GRK5: variants seen among roughly 807,000 people sequenced by gnomAD.
The protein encoded by GRK5 is g protein-coupled receptor kinase GRK5.
GRK5 carries 40 observed loss-of-function variants against 78.4 expected under a neutral mutation model. The ratio of observed to expected loss-of-function variants is 0.51; its 90% CI spans 0.40 to 0.66. The LOEUF (loss-of-function observed/expected upper bound fraction) is 0.66, where lower values mean the gene tolerates loss of function less well. GRK5 is among the 30% of genes least tolerant of loss of function. The probability of loss-of-function intolerance (pLI) is 0.00; values close to 1 mark genes in which losing one functional copy is unlikely to be tolerated. For synonymous variants in GRK5, 289 were observed against 296.8 expected, an observed-to-expected ratio of 0.97 and a Z score of 0.27; for missense variants, 598 against 759.9, an observed-to-expected ratio of 0.79 and a Z score of 2.50.
At chr10:119,231,434 A>G (rs1240259034) in intron 1 of GRK5, among the ~76,000 whole-genome samples, 1 of 152,124 alleles carries the variant, frequency 6.6e-6, no homozygotes, top group Non-Finnish European at 1.5e-5. Flanking sequence ...GGCCGGGTGC[A>G]GTGGGTCATG....
At chr10:119,353,869 T>C (rs1851220739) in intron 2 of GRK5, among the ~76,000 whole-genome samples, 1 of 151,758 alleles carries the variant, frequency 6.6e-6, no homozygotes, top group Non-Finnish European at 1.5e-5. Context: ...GTCCTGGAAG[T>C]ACCCAGTATA....
intron 2 of GRK5, among the ~76,000 whole-genome samples, chr10:119,354,395 CTTTTTTTTTTT>C (rs60146483): frequency 1.6e-4 from 14 of 87,808 alleles, no homozygotes; most frequent in South Asian, 4.3e-4. Flanking sequence ...CCTACATCTC[CTTTTTTTTTTT>C]TTTTTTTTTT....
intron 1 of GRK5, among the ~76,000 whole-genome samples, chr10:119,310,312 A>G (rs754686080): frequency 6.6e-6 from 1 of 152,236 alleles, no homozygotes; most frequent in Non-Finnish European, 1.5e-5. Context: ...TGGCTGACCT[A>G]CGACTGCCAG....
chr10:119,378,131 C>T lies in GRK5; in HGVS notation c.149-2684C>T, dbSNP rs968748628. The T allele has an allele frequency of 5.2e-5, 8 of 153,256 alleles. No individual in the cohort carries two copies. The highest frequency in any genetic ancestry group is 1.2e-4 in the Non-Finnish European group (8 of 68,168). The allele number at this position is 153,256 out of a possible 1,614,324, so 9.5% of individuals were successfully genotyped here. A position where few individuals can be genotyped will look rare whatever the true frequency, so the allele number is the denominator to read the frequency against. On this transcript the variant is annotated intron_variant, in intron 2 of 15. Coordinates refer to ENST00000392870, the MANE Select transcript of GRK5 (RefSeq NM_005308.3). This position sits in a 1 kb window ranked among gnomAD's most constrained non-coding sequence, Gnocchi z 4.5. ...TGTCATTTGAGATCTTGTCTGTTCA[C>T]CCACACACACTCCTGCTGACCTCTC...
intron 3 of GRK5, among the ~76,000 whole-genome samples, chr10:119,395,381 G>A (rs1352954035): frequency 1.3e-5 from 2 of 152,184 alleles, no homozygotes; most frequent in Non-Finnish European, 2.9e-5. Context: ...GGCCTGGGAG[G>A]AATCGGACCC....
At chr10:119,418,682 C>A (rs1396753884) in intron 4 of GRK5, among the ~76,000 whole-genome samples, 1 of 152,206 alleles carries the variant, frequency 6.6e-6, no homozygotes, top group African/African-American at 2.4e-5. Flanking sequence ...CAGAGAAACT[C>A]CCCTGCTCCT....
Position 119,453,185 on chromosome 10 carries a change from G to C in GRK5, c.1583G>C (p.Gly528Ala), listed in dbSNP as rs2133921545. The C allele has an allele frequency of 6.3e-7, 1 of 1,582,220 alleles. No individual in the cohort carries two copies. The highest frequency in any genetic ancestry group is 1.3e-5 in the African/African-American group (1 of 74,314). Reference sequence around the variant, plus strand: ...TGCTTTAAGGAGCTGAACGTGTTTGGACCTAATGGTACCCTCCCGCCAGAT... The same window carrying C: ...TGCTTTAAGGAGCTGAACGTGTTTGCACCTAATGGTACCCTCCCGCCAGAT... Reference protein sequence around the residue: ...TECFKELNVFGPNGTLPPDLN... With the variant: ...TECFKELNVFAPNGTLPPDLN... Residue 528 changes from glycine (G) to alanine (A), a missense_variant, in exon 15 of 16, where the codon GGA becomes GCA. Transcript: ENST00000392870.
At position 119,425,134 on chromosome 10, in the gene GRK5, T is replaced by G. The variant is rs559433279; in HGVS notation, c.533+49T>G. 78 of 1,313,534 alleles carry G rather than the reference T, an allele frequency of 5.9e-5. No homozygotes were observed. In the South Asian group the frequency reaches 8.6e-4, roughly 14 times the overall value. 81.4% of individuals were successfully genotyped at this position (1,313,534 alleles called of 1,614,324 possible). A position where few individuals can be genotyped will look rare whatever the true frequency, so the allele number is the denominator to read the frequency against. ...GATCAGGGAGGCAGAGGGTACACAT[T>G]TTTCATCTGAGAATTCATATAAAAA... is the stretch of plus-strand genomic sequence containing the variant. On this transcript the variant is annotated intron_variant, in intron 6 of 15. Transcript: ENST00000392870.
chr10:119,438,637 T>A (rs1337431276), intron 9 of GRK5, among the ~76,000 whole-genome samples: 1 of 152,134 alleles, frequency 6.6e-6, no homozygotes. Flanking sequence ...CTCGTCTTCT[T>A]CCGGGGGAAA....
chr10:119,396,556 C>T, intron 3 of GRK5, 139 bp from the exon 4 acceptor site: 1 of 683,618 alleles, frequency 1.5e-6, no homozygotes, highest in East Asian at 2.7e-5. Flanking sequence ...AGGTCTTCCC[C>T]CCCGGTTTCC....
chr10:119,445,379 G>T lies in GRK5; in HGVS notation c.1266+1627G>T, dbSNP rs533744452. Among the ~76,000 whole-genome samples the T allele has an allele frequency of 6.6e-6, 1 of 152,192 alleles. No homozygotes were observed. The highest frequency in any genetic ancestry group is 1.9e-4 in the East Asian group (1 of 5,156). ...GCAGGTCTTGAGAGATCTCAGCAGG[G>T]ATATGGGACGTACTAAGAGGATGAC... On this transcript the variant is annotated intron_variant, in intron 12 of 15. Coordinates refer to ENST00000392870, the MANE Select transcript of GRK5 (RefSeq NM_005308.3). The surrounding 1 kb of genome is among the most constrained non-coding windows in gnomAD (Gnocchi z 4.1).
At chr10:119,304,153 G>C in intron 1 of GRK5, among the ~76,000 whole-genome samples, 1 of 152,166 alleles carries the variant, frequency 6.6e-6, no homozygotes, top group Non-Finnish European at 1.5e-5. Flanking sequence ...ACATGACCAA[G>C]AGGCAGCTTT....
chr10:119,343,392 C>T (rs1851017309), intron 2 of GRK5, among the ~76,000 whole-genome samples: 1 of 152,196 alleles, frequency 6.6e-6, no homozygotes, highest in Non-Finnish European at 1.5e-5. Flanking sequence ...ACACACTCGT[C>T]CAATCACTAC....
intron 1 of GRK5, among the ~76,000 whole-genome samples, chr10:119,322,777 A>G (rs992218666): frequency 1.3e-5 from 2 of 152,204 alleles, no homozygotes; most frequent in Non-Finnish European, 1.5e-5. Flanking sequence ...CATATATACC[A>G]TATAATCCAG....
chr10:119,403,726 C>T (rs545611664), intron 4 of GRK5, among the ~76,000 whole-genome samples: 16 of 152,198 alleles, frequency 1.1e-4, no homozygotes, highest in African/African-American at 2.9e-4. Flanking sequence ...CTCCACCCCC[C>T]GGGTTCAAGT....
At position 119,255,840 on chromosome 10, in the gene GRK5, G is replaced by A. The variant is rs114460026; in HGVS notation, c.52+47871G>A. ...ACGAGCAAGGCCTGGCTTTGCCCTC[G>A]AGAGCTGACCGGGTTGTAGAAGCTG... is the stretch of plus-strand genomic sequence containing the variant. On this transcript the variant is annotated intron_variant, in intron 1 of 15. Transcript: ENST00000392870. Among the ~76,000 whole-genome samples the A allele has an allele frequency of 1.1e-3, 161 of 152,218 alleles. 2 individuals carry two copies. The highest frequency in any genetic ancestry group is 3.7e-3 in the African/African-American group (152 of 41,532).
chr10:119,426,810 A>AC (rs1319046781), intron 6 of GRK5, among the ~76,000 whole-genome samples: 1 of 151,576 alleles, frequency 6.6e-6, no homozygotes, highest in African/African-American at 2.4e-5. Context: ...CATCAACATC[A>AC]CCACCATCAT....
chr10:119,224,105 GCACTGCACTCCAGTGAATAGC>G (rs1467484873), intron 1 of GRK5, among the ~76,000 whole-genome samples: 2 of 152,168 alleles, frequency 1.3e-5, no homozygotes, highest in African/African-American at 4.8e-5. Flanking sequence ...AGTGTGCTAT[GCACTGCACTCCAGTGAATAGC>G]CACTGCACTC....
At chr10:119,444,764 GGA>G (rs1330172380) in intron 12 of GRK5, among the ~76,000 whole-genome samples, 2 of 152,322 alleles carry the variant, frequency 1.3e-5, no homozygotes, top group African/African-American at 4.8e-5. Context: ...ACCGAGCCTG[GGA>G]GGGGGGAGCC....
Sources: gnomAD v4.1 joint callset for allele counts (sites outside exome capture counted in the v4.1 genomes callset) on GRCh38, gnomAD v4.1.1 for gene constraint, Gnocchi (gnomAD v3.1) non-coding constraint, MANE v1.5 for transcripts, NCBI Gene and HGNC (gene_info 2026-07-23, HGNC 2026-07-21) for gene names.